Variants in SFI1 observed in about 807,000 individuals in gnomAD.
SFI1 encodes SFI1 centrin binding protein.
In SFI1, 195 loss-of-function variants were observed where a neutral mutation model predicts 207.5. The observed-to-expected ratio is 0.94, with a 90% CI of 0.84 to 1.06. The LOEUF (loss-of-function observed/expected upper bound fraction) is 1.06. SFI1 is among the 50% of genes least tolerant of loss of function. The pLI, the probability that SFI1 is intolerant of heterozygous loss-of-function variation, is 0.00. For synonymous variants in SFI1, 630 were observed against 598.9 expected (o/e 1.05, Z -0.76); for missense variants, 1,634 against 1,588.0 (o/e 1.03, Z -0.49).
intron 25 of SFI1, 32 bp downstream of exon 25, chr22:31,613,248 C>T: frequency 6.2e-7 from 1 of 1,613,056 alleles, no homozygotes; most frequent in Non-Finnish European, 8.5e-7. Flanking sequence ...ACCATCCCTG[C>T]CTCTCCCTCA....
At chr22:31,502,413 C>T (rs1371186534) in intron 1 of SFI1, among the ~76,000 whole-genome samples, 4 of 150,360 alleles carry the variant, frequency 2.7e-5, no homozygotes, top group Non-Finnish European at 5.9e-5. Context: ...TCACGCTTGT[C>T]ACCCAGGCTG....
chr22:31,561,401 A>C lies in SFI1; in HGVS notation c.765+9A>C. 6.2e-7 allele frequency: 1 copy of C among 1,610,838 alleles called. No individual in the cohort carries two copies. The highest frequency in any genetic ancestry group is 2.2e-5 in the East Asian group (1 of 44,798). Reference sequence around the variant, plus strand: ...TGAGCCTCCAGGTGCAGGTGAGTCCAGCAGACGTGGGATTTGGCATCCTCT... The same window carrying C: ...TGAGCCTCCAGGTGCAGGTGAGTCCCGCAGACGTGGGATTTGGCATCCTCT... On this transcript the variant is annotated intron_variant, in intron 8 of 32. Coordinates refer to ENST00000400288, the MANE Select transcript of SFI1 (RefSeq NM_001007467.3).
intron 31 of SFI1, among the ~76,000 whole-genome samples, chr22:31,617,759 T>C (rs7289075): frequency 0.36 from 53,417 of 150,242 alleles, 10,422 homozygotes; most frequent in African/African-American, 0.52. Context: ...GGCCCGTGAC[T>C]CAGCTGCACT....
At position 31,616,981 on chromosome 22, in the gene SFI1, C is replaced by T; in HGVS notation, c.3434-19C>T. The T allele has an allele frequency of 6.2e-7, 1 of 1,614,002 alleles. No homozygotes were observed. The highest frequency in any genetic ancestry group is 1.3e-5 in the African/African-American group (1 of 75,042). ...CGAGGGGAAAATAGTCTGAAACAAG[C>T]TTACTTCTGTCGCCATAGGCAGCCT... On this transcript the variant is annotated intron_variant, in intron 30 of 32. Coordinates refer to ENST00000400288, the MANE Select transcript of SFI1 (RefSeq NM_001007467.3).
At chr22:31,548,896 A>G (rs1163682711) in intron 5 of SFI1, among the ~76,000 whole-genome samples, 1 of 152,080 alleles carries the variant, frequency 6.6e-6, no homozygotes, top group Non-Finnish European at 1.5e-5. Flanking sequence ...TAAGATGTAT[A>G]GTGTATGTAT....
intron 22 of SFI1, among the ~76,000 whole-genome samples, chr22:31,608,839 A>G (rs544455224): frequency 1.4e-4 from 22 of 152,032 alleles, no homozygotes; most frequent in Non-Finnish European, 2.4e-4. Flanking sequence ...TGCCTGCTGT[A>G]TATACATCTT....
At chr22:31,568,222 ATATAT>A (rs1569334418) in intron 8 of SFI1, among the ~76,000 whole-genome samples, 2 of 128,238 alleles carry the variant, frequency 1.6e-5, no homozygotes, top group East Asian at 2.1e-4. Context: ...ATATATATAT[ATATAT>A]TTTTTTTTTT....
chr22:31,609,199 C>T (rs772464102), intron 22 of SFI1, among the ~76,000 whole-genome samples: 2 of 152,088 alleles, frequency 1.3e-5, no homozygotes, highest in African/African-American at 2.4e-5. Flanking sequence ...AGGATTTCAC[C>T]GTGTTAGCTG....
Position 31,561,339 on chromosome 22 carries a change from C to G in SFI1, c.712C>G (p.Arg238Gly). Reference protein sequence around the residue: ...RQRLGQVRVSRALHASALKHR... With the variant: ...RQRLGQVRVSGALHASALKHR... ...GCGACTAGGACAGGTCCGTGTGAGCCGTGCCCTCCATGCCTCTGCTTTGAA... is the reference window on the plus strand; with the variant it reads ...GCGACTAGGACAGGTCCGTGTGAGCGGTGCCCTCCATGCCTCTGCTTTGAA... Residue 238 changes from arginine to glycine, a missense_variant, in exon 8 of 33, where the codon CGT becomes GGT. Physicochemically the swap from Arg to Gly is moderately radical, Grantham distance 125. Transcript: ENST00000400288. 6.2e-7 allele frequency: 1 copy of G among 1,614,082 alleles called. No homozygotes were observed. Among genetic ancestry groups the G allele is most frequent in the Middle Eastern group, 1.6e-4 (1 of 6,062 alleles).
At chr22:31,548,289 G>T (rs562317123) in intron 5 of SFI1, among the ~76,000 whole-genome samples, 8 of 151,966 alleles carry the variant, frequency 5.3e-5, no homozygotes, top group African/African-American at 1.7e-4. Context: ...TATGGGGAAG[G>T]CCGAGTGTGG....
chr22:31,567,578 T>G (rs904379636), intron 8 of SFI1, among the ~76,000 whole-genome samples: 19 of 145,894 alleles, frequency 1.3e-4, no homozygotes, highest in South Asian at 6.5e-4. Flanking sequence ...AGGGGGGGGG[T>G]GTGTGTGTCT....
At chr22:31,513,476 T>C (rs1265365925) in intron 2 of SFI1, among the ~76,000 whole-genome samples, 1 of 152,144 alleles carries the variant, frequency 6.6e-6, no homozygotes, top group Non-Finnish European at 1.5e-5. Flanking sequence ...ATGAGAAGAT[T>C]TGAGATTTAC....
chr22:31,609,250 G>A (rs1328713189), intron 22 of SFI1, among the ~76,000 whole-genome samples: 2 of 151,982 alleles, frequency 1.3e-5, no homozygotes, highest in Admixed American at 1.3e-4. Context: ...CGTCCGTCTC[G>A]GCCTCCCAAA....
chr22:31,570,138 A>G (rs1292135010), intron 8 of SFI1, among the ~76,000 whole-genome samples: 1 of 151,206 alleles, frequency 6.6e-6, no homozygotes, highest in Non-Finnish European at 1.5e-5. Flanking sequence ...ATAAATAAAT[A>G]AATAAATAAA....
Position 31,545,993 on chromosome 22 carries a change from A to C in SFI1, c.339-868A>C, listed in dbSNP as rs146258114. ...CTGGAACCTCTCCCTCCTGGGCTCA[A>C]GCGATCCTCCCACCTCAGCCTCCCA... On this transcript the variant is annotated intron_variant, in intron 4 of 32. Coordinates refer to ENST00000400288, the MANE Select transcript of SFI1 (RefSeq NM_001007467.3). 6.0e-3 allele frequency among the ~76,000 whole-genome samples: 898 copies of C among 150,250 alleles called. 12 individuals carry two copies. The highest frequency in any genetic ancestry group is 0.021 in the African/African-American group (846 of 40,796).
chr22:31,598,264 C>A (rs1025374836), intron 15 of SFI1, among the ~76,000 whole-genome samples: 1 of 151,746 alleles, frequency 6.6e-6, no homozygotes, highest in South Asian at 2.1e-4. Context: ...GGATTACAGG[C>A]GTGAGCCACC....
At chr22:31,548,327 T>C (rs979527574) in intron 5 of SFI1, among the ~76,000 whole-genome samples, 12 of 151,968 alleles carry the variant, frequency 7.9e-5, no homozygotes, top group Non-Finnish European at 1.5e-4. Context: ...CCCAGTACTT[T>C]GGGAGGCTGA....
chr22:31,615,529 G>C (rs1464638927), intron 29 of SFI1: 2 of 400,060 alleles, frequency 5.0e-6, no homozygotes, highest in East Asian at 7.3e-5. Flanking sequence ...ACCCCTGCCT[G>C]CAGGCCAGTA....
intron 9 of SFI1, among the ~76,000 whole-genome samples, chr22:31,573,958 A>G (rs189501081): frequency 6.6e-6 from 1 of 152,158 alleles, no homozygotes; most frequent in African/African-American, 2.4e-5. Flanking sequence ...CCATTCTCCT[A>G]TTAATAGATA....
Sources: allele counts gnomAD v4.1 joint callset (sites outside exome capture counted in the v4.1 genomes callset), GRCh38; gene constraint gnomAD v4.1.1; transcripts MANE v1.5; gene names NCBI Gene and HGNC (gene_info 2026-07-23, HGNC 2026-07-21).